MALRD1: variants seen among roughly 807,000 people sequenced by gnomAD.
The protein encoded by MALRD1 is MAM and LDL receptor class A domain containing 1.
MALRD1 carries 247 observed loss-of-function variants against 242.1 expected under a neutral mutation model. The observed-to-expected ratio is 1.02, with a 90% CI of 0.92 to 1.13. MALRD1 has a LOEUF of 1.13. Ranked by LOEUF, MALRD1 falls within the 50% of genes most tolerant of loss-of-function variation. The pLI, the probability that MALRD1 is intolerant of heterozygous loss-of-function variation, is 0.00. For missense variants in MALRD1, 2,989 were observed against 2,533.1 expected, an observed-to-expected ratio of 1.18 and a Z score of -3.86; for synonymous variants, 995 against 866.6, an observed-to-expected ratio of 1.15 and a Z score of -2.60.
At position 19,422,714 on chromosome 10, in the gene MALRD1, A is replaced by G. The variant is rs189402166; in HGVS notation, c.4846-27593A>G. ...AAGCCAGATTTCACCTTCTGTCTAGAATTTTTTCCTGAAGTTTATTTTGTC... is the reference window on the plus strand; with the variant it reads ...AAGCCAGATTTCACCTTCTGTCTAGGATTTTTTCCTGAAGTTTATTTTGTC... On this transcript the variant is annotated intron_variant, in intron 28 of 39. Transcript: ENST00000454679. Among the ~76,000 whole-genome samples the G allele has an allele frequency of 1.8e-3, 273 of 152,280 alleles. 8 individuals are homozygous for G. The highest frequency in any genetic ancestry group is 5.4e-4 in the Non-Finnish European group (37 of 68,018).
intron 24 of MALRD1, among the ~76,000 whole-genome samples, chr10:19,341,159 T>C (rs888226678): frequency 6.6e-6 from 1 of 152,034 alleles, no homozygotes; most frequent in Non-Finnish European, 1.5e-5. Flanking sequence ...TTTCTCTCTG[T>C]TTTTATGAAT....
At chr10:19,642,126 A>G (rs768139906) in intron 36 of MALRD1, among the ~76,000 whole-genome samples, 5 of 152,180 alleles carry the variant, frequency 3.3e-5, no homozygotes, top group Non-Finnish European at 7.4e-5. Flanking sequence ...TCAAAGGGTT[A>G]TATCAGCAGA....
chr10:19,070,081 G>A (rs1014251344), intron 2 of MALRD1, among the ~76,000 whole-genome samples: 3 of 151,890 alleles, frequency 2.0e-5, no homozygotes, highest in African/African-American at 7.3e-5. Context: ...AATTTCAATC[G>A]ATCTATCTTC....
intron 18 of MALRD1, among the ~76,000 whole-genome samples, chr10:19,239,126 G>A (rs1489825897): frequency 2.0e-5 from 3 of 151,184 alleles, no homozygotes; most frequent in East Asian, 1.9e-4. Context: ...TGGTGCAGTC[G>A]GGGCTCACGG....
chr10:19,365,338 A>T (rs1199103803), intron 26 of MALRD1, among the ~76,000 whole-genome samples: 2 of 152,036 alleles, frequency 1.3e-5, no homozygotes, highest in Non-Finnish European at 2.9e-5. Flanking sequence ...AAATGCTTTT[A>T]CTTCAGCAGA....
At chr10:19,047,346 T>G (rs1467814532), upstream of MALRD1, among the ~76,000 whole-genome samples, 1 of 116,972 alleles carries the variant, frequency 8.5e-6, no homozygotes, top group Non-Finnish European at 1.7e-5. Context: ...AAAGTAGATG[T>G]GTTAATTAGG....
At chr10:19,109,413 G>T (rs184962473) in intron 5 of MALRD1, among the ~76,000 whole-genome samples, 1 of 152,188 alleles carries the variant, frequency 6.6e-6, no homozygotes, top group African/African-American at 2.4e-5. Context: ...GATGCATGAG[G>T]ACTGCTCTAT....
chr10:19,527,861 A>G (rs1274219234), intron 31 of MALRD1, among the ~76,000 whole-genome samples: 1 of 152,198 alleles, frequency 6.6e-6, no homozygotes, highest in Non-Finnish European at 1.5e-5. Flanking sequence ...GTCTAAATGC[A>G]TTAGAAATTC....
In MALRD1 at chr10:19,704,792, T is replaced by C. The variant is rs77485769; in HGVS notation, c.6314+12238T>C. Among the ~76,000 whole-genome samples, 388 of 152,222 alleles carry C rather than the reference T, an allele frequency of 2.5e-3. 9 individuals carry two copies. The East Asian group carries it at 0.055, about 21-fold the overall frequency. ...TGATAGAAATGTAAACCAAAATACT[T>C]TGGTGGTAAAATGGAAGGAAAGAAT... On this transcript the variant is annotated intron_variant, in intron 38 of 39. Coordinates refer to ENST00000454679, the MANE Select transcript of MALRD1 (RefSeq NM_001142308.3).
chr10:19,408,772 G>A (rs1000982478), intron 28 of MALRD1, among the ~76,000 whole-genome samples: 5 of 152,144 alleles, frequency 3.3e-5, no homozygotes, highest in Non-Finnish European at 4.4e-5. Context: ...TGATAATAAC[G>A]TCAATACCAA....
chr10:19,324,199 A>C (rs562780244), intron 22 of MALRD1, 94 bp downstream of exon 22: 1 of 1,220,406 alleles, frequency 8.2e-7, no homozygotes, highest in African/African-American at 1.5e-5. Context: ...TTAATAAGTG[A>C]AAATGGACAA....
rs568836824 is a variant in MALRD1, at chr10:19,717,180, C to T, written c.6315-13526C>T. Among the ~76,000 whole-genome samples, 7 of 152,098 alleles carry T rather than the reference C, an allele frequency of 4.6e-5. No individual in the cohort carries two copies. In the East Asian group the frequency reaches 7.7e-4, roughly 17 times the overall value. On this transcript the variant is annotated intron_variant, in intron 38 of 39. Transcript: ENST00000454679. ...ATTCTTTCAAATACAAGTTCTGCTCCGAGATGAAAAAGTGGCTCATTTAGC... is the reference window on the plus strand; with the variant it reads ...ATTCTTTCAAATACAAGTTCTGCTCTGAGATGAAAAAGTGGCTCATTTAGC...
At chr10:19,141,530 AT>A (rs957974283) in intron 10 of MALRD1, among the ~76,000 whole-genome samples, 1 of 152,106 alleles carries the variant, frequency 6.6e-6, no homozygotes, top group Admixed American at 6.6e-5. Context: ...AAAATGTTAC[AT>A]TTATGTCATG....
chr10:19,341,437 T>A (rs974291945), intron 24 of MALRD1, among the ~76,000 whole-genome samples: 1 of 82,400 alleles, frequency 1.2e-5, no homozygotes, highest in African/African-American at 5.4e-5. Context: ...TAACACTATA[T>A]GTATATATAT....
chr10:19,175,235 T>G lies in MALRD1; in HGVS notation c.1858T>G (p.Ser620Ala). 1 of 1,230,260 alleles carries G rather than the reference T, an allele frequency of 8.1e-7. No individual in the cohort carries two copies. The highest frequency in any genetic ancestry group is 4.1e-5 in the South Asian group (1 of 24,298). The allele number at this position is 1,230,260 out of a possible 1,614,324, so 76.2% of individuals were successfully genotyped here. ...QLILEATVLS[S>A]NATVALDDIS... ...AATTTTGGAAGCTACTGTTTTGTCG[T>G]CAAATGCTACCGTTGCTCTAGATGA... is the stretch of plus-strand genomic sequence containing the variant. Residue 620 changes from serine (S) to alanine (A), a missense_variant, in exon 14 of 40, where the codon TCA (serine) becomes GCA (alanine). Ser to Ala is a moderately conservative substitution (Grantham distance 99). Transcript: ENST00000454679.
chr10:19,508,454 A>G (rs567138272), intron 31 of MALRD1, among the ~76,000 whole-genome samples: 1 of 152,230 alleles, frequency 6.6e-6, no homozygotes, highest in Non-Finnish European at 1.5e-5. Flanking sequence ...TGGATGACTG[A>G]GCAGGTAGAT....
At chr10:19,361,164 G>GTTATCACC (rs1176094017) in intron 26 of MALRD1, among the ~76,000 whole-genome samples, 2 of 152,046 alleles carry the variant, frequency 1.3e-5, no homozygotes, top group Non-Finnish European at 1.5e-5. Context: ...CCCAGTCTCT[G>GTTATCACC]TTATCACCAG....
chr10:19,672,110 CAG>C (rs1841948916), intron 36 of MALRD1, among the ~76,000 whole-genome samples: 1 of 151,972 alleles, frequency 6.6e-6, no homozygotes, highest in Admixed American at 6.6e-5. Context: ...ATTCTTATTC[CAG>C]AGAGTCCACA....
intron 29 of MALRD1, among the ~76,000 whole-genome samples, chr10:19,452,293 T>C (rs944896515): frequency 2.0e-5 from 3 of 152,202 alleles, no homozygotes; most frequent in Admixed American, 6.5e-5. Flanking sequence ...AAGTCTGCAC[T>C]CTTTCTTCCC....
Sources: gnomAD v4.1 joint callset for allele counts (sites outside exome capture counted in the v4.1 genomes callset) on GRCh38, gnomAD v4.1.1 for gene constraint, MANE v1.5 for transcripts, NCBI Gene and HGNC (gene_info 2026-07-23, HGNC 2026-07-21) for gene names.